Variants in BIRC6 observed in about 807,000 individuals in gnomAD.
BIRC6 encodes the protein dual E2 ubiquitin-conjugating enzyme/E3 ubiquitin-protein ligase BIRC6.
Under a neutral mutation model 503.3 loss-of-function variants are expected in BIRC6, and 98 were observed. That is an observed-to-expected ratio of 0.19 (90% CI 0.17 to 0.23). The LOEUF (loss-of-function observed/expected upper bound fraction) is 0.23, where lower values mean the gene tolerates loss of function less well. BIRC6 is among the 10% of genes least tolerant of loss of function. BIRC6 has a pLI of 1.00. For synonymous variants in BIRC6, 2,240 were observed against 2,078.7 expected (o/e 1.08, Z -2.11); for missense variants, 5,360 against 5,806.0 (o/e 0.92, Z 2.50).
In BIRC6 at chr2:32,575,260, A is replaced by G. The variant is rs577204797; in HGVS notation, c.13249A>G (p.Thr4417Ala). Reference sequence around the variant, plus strand: ...GGTGCCCCTATTGTTGCCCCTTTCTACAGAGAACGGTGAAGAGGAAGAAGA... The same window carrying G: ...GGTGCCCCTATTGTTGCCCCTTTCTGCAGAGAACGGTGAAGAGGAAGAAGA... ...AMVPLLLPLS[T>A]ENGEEEEEQS... The change falls in exon 66 of 74, where the codon ACA (threonine) becomes GCA (alanine). Residue 4417 changes from threonine (T) to alanine (A), a missense_variant. Transcript: ENST00000421745. The G allele has an allele frequency of 1.1e-5, 17 of 1,613,858 alleles. No individual in the cohort carries two copies. In the Admixed American group the frequency reaches 2.7e-4, roughly 25 times the overall value.
At chr2:32,587,335 C>T (rs994238308) in intron 66 of BIRC6, among the ~76,000 whole-genome samples, 1 of 152,098 alleles carries the variant, frequency 6.6e-6, no homozygotes, top group East Asian at 1.9e-4. Context: ...TACAGTAAGC[C>T]GAGATTTCGC....
intron 65 of BIRC6, chr2:32,565,239 T>C (rs1431580768): frequency 6.6e-6 from 1 of 152,212 alleles, no homozygotes; most frequent in Admixed American, 6.5e-5. Context: ...ATCCATCAAG[T>C]TCTTGAAAGT....
intron 10 of BIRC6, among the ~76,000 whole-genome samples, chr2:32,428,082 G>T (rs2043723278): frequency 6.6e-6 from 1 of 152,176 alleles, no homozygotes; most frequent in Non-Finnish European, 1.5e-5. Flanking sequence ...TAGGTTTGGT[G>T]TCCAAATACC....
intron 39 of BIRC6, 71 bp from the exon 40 acceptor site, chr2:32,485,572 T>G: frequency 9.8e-7 from 1 of 1,020,438 alleles, no homozygotes; most frequent in Non-Finnish European, 1.5e-6. Flanking sequence ...GATGTCATCA[T>G]TTTATTGTAG....
At chr2:32,372,499 A>G (rs2036126628) in intron 1 of BIRC6, among the ~76,000 whole-genome samples, 1 of 152,192 alleles carries the variant, frequency 6.6e-6, no homozygotes, top group African/African-American at 2.4e-5. Context: ...ATTACTGAAT[A>G]GTATTCCATC....
At chr2:32,599,046 A>G (rs1251610133) in intron 69 of BIRC6, among the ~76,000 whole-genome samples, 1 of 146,098 alleles carries the variant, frequency 6.8e-6, no homozygotes, top group Non-Finnish European at 1.5e-5. Context: ...AAAAAAAAAA[A>G]GGCCTGGTAT....
intron 65 of BIRC6, among the ~76,000 whole-genome samples, chr2:32,552,080 CAA>C (rs2058461730): frequency 1.3e-5 from 2 of 152,222 alleles, no homozygotes; most frequent in South Asian, 4.1e-4. Context: ...GTGAGCAAGA[CAA>C]GAAAATATAG....
intron 45 of BIRC6, among the ~76,000 whole-genome samples, chr2:32,497,715 T>A (rs1434875564): frequency 1.3e-5 from 2 of 152,170 alleles, no homozygotes; most frequent in Admixed American, 1.3e-4. Flanking sequence ...TTGGGGTCAT[T>A]CTGGCTAGAA....
In BIRC6 at chr2:32,457,056, A is replaced by G. The variant is rs558888512; in HGVS notation, c.4753+3114A>G. On this transcript the variant is annotated intron_variant, in intron 23 of 73. Transcript: ENST00000421745. Reference sequence around the variant, plus strand: ...GCAGGCACACACCACTGCACCTGGCATTAGTTATCTTTTTATCTTTAAGTT... The same window carrying G: ...GCAGGCACACACCACTGCACCTGGCGTTAGTTATCTTTTTATCTTTAAGTT... 3.3e-5 allele frequency among the ~76,000 whole-genome samples: 5 copies of G among 152,242 alleles called. No homozygotes were observed. In the East Asian group the frequency reaches 7.7e-4, roughly 24 times the overall value.
At chr2:32,469,022 A>G (rs924659264) in intron 29 of BIRC6, among the ~76,000 whole-genome samples, 5 of 152,168 alleles carry the variant, frequency 3.3e-5, no homozygotes, top group African/African-American at 9.7e-5. Context: ...TCATTGTGCT[A>G]CTGGCAAAGT....
rs139493131 is a variant in BIRC6 at position 32,461,855 on chromosome 2, C to T, written c.4754-1339C>T. Reference sequence around the variant, plus strand: ...TTGTACCTCATACGTATAATAGTAGCAACAAAAACTTTGCCTAGTTAGTAC... The same window carrying T: ...TTGTACCTCATACGTATAATAGTAGTAACAAAAACTTTGCCTAGTTAGTAC... On this transcript the variant is annotated intron_variant, in intron 23 of 73. Transcript: ENST00000421745. Among the ~76,000 whole-genome samples, 1,022 of 152,054 alleles carry T rather than the reference C, an allele frequency of 6.7e-3. 15 individuals are homozygous for T. The highest frequency in any genetic ancestry group is 0.024 in the African/African-American group (991 of 41,466).
chr2:32,487,550 T>A (rs538251019), intron 40 of BIRC6, 97 bp from the exon 41 acceptor site: 1 of 1,136,392 alleles, frequency 8.8e-7, no homozygotes, highest in Non-Finnish European at 1.2e-6. Flanking sequence ...CAGTTTTAAT[T>A]TTTAAAAACA....
At chr2:32,466,833 C>T (rs1403158598) in intron 26 of BIRC6, among the ~76,000 whole-genome samples, 1 of 151,722 alleles carries the variant, frequency 6.6e-6, no homozygotes, top group Admixed American at 6.6e-5. Context: ...TTTAAAGAGA[C>T]GGGTGGCTAG....
intron 23 of BIRC6, among the ~76,000 whole-genome samples, chr2:32,460,148 TTA>T (rs34737214): frequency 0.34 from 47,311 of 140,958 alleles, 8,503 homozygotes; most frequent in Non-Finnish European, 0.4. Context: ...ATGTATTATA[TTA>T]TATATATGAT....
chr2:32,549,234 C>A, intron 64 of BIRC6, 79 bp from the exon 65 acceptor site: 1 of 1,006,064 alleles, frequency 9.9e-7, no homozygotes, highest in Non-Finnish European at 1.4e-6. Context: ...TCTTAGTATT[C>A]AGATTGAATT....
Position 32,463,386 on chromosome 2 carries a change from G to A in BIRC6, c.4941+5G>A, listed in dbSNP as rs368201527. On this transcript the variant is annotated splice_donor_5th_base_variant and intron_variant, in intron 24 of 73. Transcript: ENST00000421745. ...CTTTTGAAGCTTCAGCAACAGGTTG[G>A]AGACTATTTGGCTCTTTGTTCATGC... 2 of 1,604,114 alleles carry A rather than the reference G, an allele frequency of 1.2e-6. No individual in the cohort carries two copies. The highest frequency in any genetic ancestry group is 1.3e-5 in the African/African-American group (1 of 74,386).
intron 6 of BIRC6, among the ~76,000 whole-genome samples, chr2:32,397,224 A>G (rs940403438): frequency 2.0e-5 from 3 of 151,558 alleles, no homozygotes; most frequent in Non-Finnish European, 4.4e-5. Flanking sequence ...TAATCCCAGC[A>G]CTTTGGGAGG....
chr2:32,409,198 G>T (rs890973294), intron 9 of BIRC6, among the ~76,000 whole-genome samples: 4 of 151,774 alleles, frequency 2.6e-5, no homozygotes, highest in African/African-American at 9.7e-5. Flanking sequence ...TCATTCTGTT[G>T]CCCAGGCTGG....
intron 10 of BIRC6, among the ~76,000 whole-genome samples, chr2:32,426,558 C>A (rs1320288253): frequency 6.6e-6 from 1 of 152,224 alleles, no homozygotes; most frequent in Non-Finnish European, 1.5e-5. Flanking sequence ...GAGCTGAGAT[C>A]ACACCATTGT....
Sources: gnomAD v4.1 joint callset for allele counts (sites outside exome capture counted in the v4.1 genomes callset) on GRCh38, gnomAD v4.1.1 for gene constraint, MANE v1.5 for transcripts, NCBI Gene and HGNC (gene_info 2026-07-23, HGNC 2026-07-21) for gene names.